Variants in C20orf203 observed in about 807,000 individuals in gnomAD.
C20orf203 encodes chromosome 20 open reading frame 203, also known as uncharacterized protein C20orf203.
Under a neutral mutation model 15.9 loss-of-function variants are expected in C20orf203, and 16 were observed. That is an observed-to-expected ratio of 1.01 (90% CI 0.68 to 1.53). The LOEUF (loss-of-function observed/expected upper bound fraction) is 1.53. C20orf203 is among the 40% of genes most tolerant of loss of function. The pLI is 0.00. For synonymous variants in C20orf203, 98 were observed against 97.2 expected (o/e 1.01, Z -0.05); for missense variants, 263 against 247.5 (o/e 1.06, Z -0.42).
Position 32,650,557 on chromosome 20 carries a change from AG to A in C20orf203, c.459del (p.Ser154ArgfsTer25). Reference sequence around the variant, plus strand: ...AAACATGTTGAGGTCCAGGCCAGCGAGGACAGAGCTTGGCCAAAGTCCCCCA... The same window carrying A: ...AAACATGTTGAGGTCCAGGCCAGCGAGACAGAGCTTGGCCAAAGTCCCCCA... Reference protein sequence around the residue: ...GTVGDFGQALSSLAWTSTCFQ... With the variant: ...GTVGDFGQALXSLAWTSTCFQ... On this transcript the variant is annotated frameshift_variant, in exon 4 of 6. Transcript: ENST00000608990. LOFTEE classifies it high-confidence loss of function. The A allele has an allele frequency of 6.5e-7, 1 of 1,549,056 alleles. No homozygotes were observed. The highest frequency in any genetic ancestry group is 8.7e-7 in the Non-Finnish European group (1 of 1,145,532).
At chr20:32,660,412 G>A (rs1236991940) in intron 1 of C20orf203, among the ~76,000 whole-genome samples, 2 of 152,178 alleles carry the variant, frequency 1.3e-5, no homozygotes, top group African/African-American at 2.4e-5. Flanking sequence ...CCTTTCACTG[G>A]TCAATCGGTT....
At chr20:32,647,642 C>T (rs1463579884) in intron 4 of C20orf203, among the ~76,000 whole-genome samples, 1 of 151,298 alleles carries the variant, frequency 6.6e-6, no homozygotes, top group Non-Finnish European at 1.5e-5. Flanking sequence ...GAGATTGAGG[C>T]TGTAGTGAGT....
chr20:32,659,545 G>C (rs1332861766), intron 1 of C20orf203, among the ~76,000 whole-genome samples: 1 of 152,236 alleles, frequency 6.6e-6, no homozygotes, highest in Non-Finnish European at 1.5e-5. Flanking sequence ...ACCTACATGA[G>C]TGGACCCAGG....
chr20:32,639,385 T>C (rs1982219266), intron 5 of C20orf203, among the ~76,000 whole-genome samples: 1 of 152,164 alleles, frequency 6.6e-6, no homozygotes, highest in Admixed American at 6.5e-5. Flanking sequence ...GAACATGGGC[T>C]TCCAACCAGG....
At chr20:32,642,905 G>A (rs907191084) in intron 4 of C20orf203, among the ~76,000 whole-genome samples, 5 of 152,136 alleles carry the variant, frequency 3.3e-5, no homozygotes, top group Non-Finnish European at 7.3e-5. Context: ...GTAGAATGGA[G>A]ACAACCAGAG....
chr20:32,645,481 C>A (rs1365130151), intron 4 of C20orf203, among the ~76,000 whole-genome samples: 2 of 152,210 alleles, frequency 1.3e-5, no homozygotes, highest in African/African-American at 4.8e-5. Flanking sequence ...GATATTCTCC[C>A]AAACTGGGAC....
rs11313159 is a variant in C20orf203 at position 32,651,168 on chromosome 20, T to TAAAA, written c.-14-6_-14-3dup. 10 of 297,410 alleles carry TAAAA rather than the reference T, an allele frequency of 3.4e-5. No homozygotes were observed. Among genetic ancestry groups the TAAAA allele is most frequent in the South Asian group, 1.4e-4 (1 of 6,980 alleles). 18.4% of individuals were successfully genotyped at this position (297,410 alleles called of 1,614,324 possible). A position where few individuals can be genotyped will look rare whatever the true frequency, so the allele number is the denominator to read the frequency against. Reference sequence around the variant, plus strand: ...TAGGAAACATAGGAGACCCTCTCTCTAAAAAAAAAAAAAAAAAAAAAAAAA... The same window carrying TAAAA: ...TAGGAAACATAGGAGACCCTCTCTCTAAAAAAAAAAAAAAAAAAAAAAAAAAAAA... On this transcript the variant is annotated splice_polypyrimidine_tract_variant and splice_region_variant and intron_variant, in intron 2 of 5. Coordinates refer to ENST00000608990, the MANE Select transcript of C20orf203 (RefSeq NM_182584.4).
rs1420783629 is a variant in C20orf203 at position 32,650,718 on chromosome 20, C to A, written c.299G>T (p.Gly100Val). 2 of 1,546,768 alleles carry A rather than the reference C, an allele frequency of 1.3e-6. No homozygotes were observed. The highest frequency in any genetic ancestry group is 3.9e-5 in the Admixed American group (2 of 50,780). Residue 100 changes from glycine to valine, a missense_variant, in exon 4 of 6, where the codon GGT becomes GTT. Transcript: ENST00000608990. ...PGPYQERIWV[G>V]GEGWGEVGGL... ...TCCAACTTCCCCCCACCCCTCCCCA[C>A]CAACCCAAATCCTTTCCTGATAAGG... is the stretch of plus-strand genomic sequence containing the variant.
rs76424500 is a variant in C20orf203 at position 32,662,107 on chromosome 20, C to T, written c.-263-10126G>A. Among the ~76,000 whole-genome samples the T allele has an allele frequency of 2.1e-3, 326 of 152,280 alleles. 7 individuals carry two copies. In the East Asian group the frequency reaches 0.052, roughly 24 times the overall value. ...GATGGCAGATCCAGCCTGGTACAGG[C>T]GACGCAGGATGATGGCACCCAATCT... is the stretch of plus-strand genomic sequence containing the variant. On this transcript the variant is annotated intron_variant, in intron 1 of 5. Coordinates refer to ENST00000608990, the MANE Select transcript of C20orf203 (RefSeq NM_182584.4).
At chr20:32,649,087 G>A (rs1313824325) in intron 4 of C20orf203, among the ~76,000 whole-genome samples, 168 bp downstream of exon 4, 1 of 152,184 alleles carries the variant, frequency 6.6e-6, no homozygotes, top group African/African-American at 2.4e-5. Context: ...TAAAGGAGAG[G>A]AAAGAATGGC....
At chr20:32,672,197 G>A (rs1405822123) in intron 1 of C20orf203, among the ~76,000 whole-genome samples, 1 of 151,644 alleles carries the variant, frequency 6.6e-6, no homozygotes, top group East Asian at 1.9e-4. Context: ...GCGCCCAGTA[G>A]CTATTACAGT....
At chr20:32,669,939 C>T (rs545281539) in intron 1 of C20orf203, among the ~76,000 whole-genome samples, 51 of 152,336 alleles carry the variant, frequency 3.3e-4, no homozygotes, top group African/African-American at 1.2e-3. Context: ...CAGTTGCTTA[C>T]GCCTGTAATC....
At chr20:32,671,840 CAAAAAA>C (rs869043468) in intron 1 of C20orf203, among the ~76,000 whole-genome samples, 2 of 66,308 alleles carry the variant, frequency 3.0e-5, no homozygotes, top group South Asian at 6.1e-4. Context: ...ACTCTGTCTC[CAAAAAA>C]AAAAAAAAAA....
At chr20:32,665,182 G>A (rs976536248) in intron 1 of C20orf203, among the ~76,000 whole-genome samples, 1 of 152,184 alleles carries the variant, frequency 6.6e-6, no homozygotes, top group African/African-American at 2.4e-5. Context: ...CTGATGGCCC[G>A]TGGGTTCTGC....
At chr20:32,666,409 G>A (rs535188092) in intron 1 of C20orf203, among the ~76,000 whole-genome samples, 1 of 151,742 alleles carries the variant, frequency 6.6e-6, no homozygotes, top group African/African-American at 2.4e-5. Flanking sequence ...TGAGGCTGCA[G>A]TGAGCCAAGA....
chr20:32,641,780 T>A lies in C20orf203; in HGVS notation c.*1178-1093A>T, dbSNP rs549772673. Among the ~76,000 whole-genome samples the A allele has an allele frequency of 7.9e-4, 121 of 152,360 alleles. 1 individual carries two copies. The South Asian group carries it at 0.024, about 31-fold the overall frequency. On this transcript the variant is annotated intron_variant, in intron 4 of 5. Coordinates refer to ENST00000608990, the MANE Select transcript of C20orf203 (RefSeq NM_182584.4). ...TATACATCTTTTTTGGAGAAATATA[T>A]GTTTAGATCGTATCGCCATTTTTAA...
chr20:32,645,358 T>C (rs1342681503), intron 4 of C20orf203, among the ~76,000 whole-genome samples: 1 of 152,150 alleles, frequency 6.6e-6, no homozygotes, highest in Non-Finnish European at 1.5e-5. Context: ...CTCACTGACC[T>C]TCCAGAATCC....
At chr20:32,653,316 C>CT (rs900623839) in intron 1 of C20orf203, among the ~76,000 whole-genome samples, 3 of 151,924 alleles carry the variant, frequency 2.0e-5, no homozygotes, top group African/African-American at 7.3e-5. Context: ...TGTACCAATG[C>CT]TTTTTTTTAG....
At position 32,650,561 on chromosome 20, in the gene C20orf203, C is replaced by A. The variant is rs1982582966; in HGVS notation, c.456G>T (p.Leu152=). ...ATGTTGAGGTCCAGGCCAGCGAGGA[C>A]AGAGCTTGGCCAAAGTCCCCCACCG... ...MGTVGDFGQA[L]SSLAWTSTCF... Residue 152 remains leucine, a synonymous_variant, in exon 4 of 6, where the codon CTG becomes CTT. Coordinates refer to ENST00000608990, the MANE Select transcript of C20orf203 (RefSeq NM_182584.4). The A allele has an allele frequency of 1.3e-6, 2 of 1,549,158 alleles. No homozygotes were observed. The highest frequency in any genetic ancestry group is 1.7e-6 in the Non-Finnish European group (2 of 1,145,772).
Sources: allele counts gnomAD v4.1 joint callset (sites outside exome capture counted in the v4.1 genomes callset), GRCh38; gene constraint gnomAD v4.1.1; transcripts MANE v1.5; gene names NCBI Gene and HGNC (gene_info 2026-07-23, HGNC 2026-07-21).